The following ZNF383 variants were observed in gnomAD, a reference collection of about 807,000 sequenced individuals.
ZNF383 encodes zinc finger protein 383.
Under a neutral mutation model 44.2 loss-of-function variants are expected in ZNF383, and 32 were observed. The observed-to-expected ratio is 0.72, with a 90% CI of 0.55 to 0.97. ZNF383 has a LOEUF of 0.97. Ranked by LOEUF, ZNF383 falls within the 50% of genes least tolerant of loss-of-function variation. The probability of loss-of-function intolerance (pLI) is 0.00; values close to 1 mark genes in which losing one functional copy is unlikely to be tolerated. For missense variants in ZNF383, 487 were observed against 562.5 expected (o/e 0.87, Z 1.36); for synonymous variants, 155 against 186.2 (o/e 0.83, Z 1.36).
intron 5 of ZNF383, among the ~76,000 whole-genome samples, chr19:37,241,164 C>G (rs1974065952): frequency 6.6e-6 from 1 of 152,120 alleles, no homozygotes; most frequent in Non-Finnish European, 1.5e-5. Context: ...CTGTTTCCAC[C>G]CCAACTGGGT....
intron 2 of ZNF383, 98 bp from the exon 3 acceptor site, chr19:37,230,311 C>A: frequency 1.3e-6 from 1 of 762,366 alleles, no homozygotes; most frequent in Admixed American, 2.4e-5. Flanking sequence ...TATCTCAAGA[C>A]CAAGAAATAT....
rs373350635 is a variant in ZNF383 at position 37,235,971 on chromosome 19, G to A, written c.137-8G>A. On this transcript the variant is annotated splice_region_variant and splice_polypyrimidine_tract_variant and intron_variant, in intron 4 of 5. Coordinates refer to ENST00000684119, the MANE Select transcript of ZNF383 (RefSeq NM_001387601.1). ...ATAACCATGTTCCATATCTTTTCTC[G>A]TGAGCAGGACTTTACACTCCTAAGC... 69 of 1,605,666 alleles carry A rather than the reference G, an allele frequency of 4.3e-5. 1 individual carries two copies. The South Asian group carries it at 5.0e-4, about 12-fold the overall frequency.
rs1300224369 is a variant in ZNF383, at chr19:37,243,198, A to G, written c.962A>G (p.Gln321Arg). Residue 321 changes from glutamine (Q) to arginine (R), a missense_variant, in exon 6 of 6, where the codon CAG becomes CGG. Physicochemically the swap from Gln to Arg is conservative, Grantham distance 43. Coordinates refer to ENST00000684119, the MANE Select transcript of ZNF383 (RefSeq NM_001387601.1). ...ECKECGKAFT[Q>R]SSKLVQHQRI... is the part of the protein sequence containing the mutation. ...AAGGAATGTGGCAAAGCCTTTACCC[A>G]GAGCTCAAAGCTTGTTCAACATCAG... is the stretch of plus-strand genomic sequence containing the variant. The G allele has an allele frequency of 3.1e-6, 5 of 1,614,164 alleles. No homozygotes were observed. The highest frequency in any genetic ancestry group is 4.2e-6 in the Non-Finnish European group (5 of 1,180,022).
intron 5 of ZNF383, among the ~76,000 whole-genome samples, chr19:37,241,792 C>G (rs1974094409): frequency 6.6e-6 from 1 of 151,894 alleles, no homozygotes; most frequent in African/African-American, 2.4e-5. Context: ...TATTATACCT[C>G]AGAGCCAAAG....
chr19:37,222,739 C>G (rs1972984488), intron 1 of ZNF383, among the ~76,000 whole-genome samples: 1 of 152,128 alleles, frequency 6.6e-6, no homozygotes, highest in Non-Finnish European at 1.5e-5. Flanking sequence ...CATATTGAGG[C>G]TGTTATGAAA....
At chr19:37,231,551 T>C (rs910195104) in intron 3 of ZNF383, among the ~76,000 whole-genome samples, 2 of 152,186 alleles carry the variant, frequency 1.3e-5, no homozygotes, top group Non-Finnish European at 2.9e-5. Flanking sequence ...CATATAACTT[T>C]ATATATCTTT....
At position 37,244,276 on chromosome 19, in the gene ZNF383, T is replaced by A. The variant is rs1974274934; in HGVS notation, c.*612T>A. Reference sequence around the variant, plus strand: ...TTTTCTATTTTTAGTAGAGACAGGGTTTCTCCATGTTGGTCAGGATAGTCT... The same window carrying A: ...TTTTCTATTTTTAGTAGAGACAGGGATTCTCCATGTTGGTCAGGATAGTCT... On this transcript the variant is annotated 3_prime_UTR_variant, in exon 6 of 6. Transcript: ENST00000684119. 6.6e-6 allele frequency: 1 copy of A among 151,938 alleles called. No homozygotes were observed. Among genetic ancestry groups the A allele is most frequent in the Admixed American group, 6.6e-5 (1 of 15,238 alleles). 9.4% of individuals were successfully genotyped at this position (151,938 alleles called of 1,614,324 possible). A position where few individuals can be genotyped will look rare whatever the true frequency, so the allele number is the denominator to read the frequency against.
intron 3 of ZNF383, among the ~76,000 whole-genome samples, chr19:37,234,841 G>T (rs535306889): frequency 6.6e-6 from 1 of 152,248 alleles, no homozygotes; most frequent in Admixed American, 6.5e-5. Flanking sequence ...ACAGTTTTTG[G>T]TTGCTTTCTT....
chr19:37,240,031 C>T (rs552759612), intron 5 of ZNF383, among the ~76,000 whole-genome samples: 2 of 151,976 alleles, frequency 1.3e-5, no homozygotes, highest in East Asian at 1.9e-4. Flanking sequence ...TGGTGGTGCA[C>T]GCCTGTAGTC....
chr19:37,220,454 G>C (rs1307538523), intron 1 of ZNF383, among the ~76,000 whole-genome samples: 2 of 152,038 alleles, frequency 1.3e-5, no homozygotes, highest in Non-Finnish European at 2.9e-5. Context: ...TGTAGAGATG[G>C]AGTTTCACTA....
rs996820663 is a variant in ZNF383, at chr19:37,243,734, C to G, written c.*70C>G. Reference sequence around the variant, plus strand: ...AATCATGTCTAATAGTTACCCTCTTCCGTAGTTTTTTTTAAAACTTTGTAT... The same window carrying G: ...AATCATGTCTAATAGTTACCCTCTTGCGTAGTTTTTTTTAAAACTTTGTAT... On this transcript the variant is annotated 3_prime_UTR_variant, in exon 6 of 6. Transcript: ENST00000684119. The G allele has an allele frequency of 1.1e-4, 113 of 1,074,520 alleles. No individual in the cohort carries two copies. The highest frequency in any genetic ancestry group is 1.3e-4 in the Non-Finnish European group (103 of 773,236). The allele number at this position is 1,074,520 out of a possible 1,614,324, so 66.6% of individuals were successfully genotyped here.
chr19:37,231,704 C>T (rs927969980), intron 3 of ZNF383, among the ~76,000 whole-genome samples: 2 of 152,084 alleles, frequency 1.3e-5, no homozygotes, highest in African/African-American at 4.8e-5. Context: ...TTGTGTTATA[C>T]CAGATCATGT....
intron 2 of ZNF383, chr19:37,227,515 C>T (rs1326159157): frequency 6.6e-6 from 1 of 152,116 alleles, no homozygotes; most frequent in African/African-American, 2.4e-5. Flanking sequence ...ACTTCCTAGG[C>T]GATACCAGCC....
At chr19:37,232,774 T>TTTCCAAA (rs1973561638) in intron 3 of ZNF383, among the ~76,000 whole-genome samples, 2 of 152,220 alleles carry the variant, frequency 1.3e-5, no homozygotes, top group African/African-American at 4.8e-5. Context: ...TTCCAAATAA[T>TTTCCAAA]GAGTTGGCTT....
intron 3 of ZNF383, among the ~76,000 whole-genome samples, chr19:37,235,307 A>G (rs1355324165): frequency 6.6e-6 from 1 of 151,862 alleles, no homozygotes; most frequent in Admixed American, 6.6e-5. Context: ...ATCACAATCT[A>G]GACTCTAGGG....
At position 37,248,523 on chromosome 19, in the gene ZNF383, T is replaced by C. The variant is rs1272318977; in HGVS notation, c.*4859T>C. ...TTGATTTAGATAAGATTGTATTTCTTAGTGTCTGAACTCAGGAACCAAATA... is the reference window on the plus strand; with the variant it reads ...TTGATTTAGATAAGATTGTATTTCTCAGTGTCTGAACTCAGGAACCAAATA... On this transcript the variant is annotated 3_prime_UTR_variant, in exon 6 of 6. Coordinates refer to ENST00000684119, the MANE Select transcript of ZNF383 (RefSeq NM_001387601.1). The C allele has an allele frequency of 5.3e-5, 8 of 152,218 alleles. No homozygotes were observed. Among genetic ancestry groups the C allele is most frequent in the Admixed American group, 4.6e-4 (7 of 15,272 alleles). The allele number at this position is 152,218 out of a possible 1,614,324, so 9.4% of individuals were successfully genotyped here.
At chr19:37,223,843 C>A (rs1973035438) in intron 1 of ZNF383, among the ~76,000 whole-genome samples, 1 of 151,896 alleles carries the variant, frequency 6.6e-6, no homozygotes, top group Non-Finnish European at 1.5e-5. Context: ...ACTAGCCTGG[C>A]CAAGATGGTG....
At chr19:37,229,207 T>C (rs528215326) in intron 2 of ZNF383, among the ~76,000 whole-genome samples, 1 of 145,970 alleles carries the variant, frequency 6.9e-6, no homozygotes, top group South Asian at 2.2e-4. Context: ...CAGGCTGGAG[T>C]GCAATGGCGT....
In ZNF383 at chr19:37,246,269, A is replaced by C. The variant is rs897545169; in HGVS notation, c.*2605A>C. ...CAGTGATATACTCATTATCATAAGT[A>C]TCTTCATTAGGATTTATGGAAAGGA... On this transcript the variant is annotated 3_prime_UTR_variant, in exon 6 of 6. Transcript: ENST00000684119. The C allele has an allele frequency of 1.5e-4, 23 of 152,214 alleles. No homozygotes were observed. Among genetic ancestry groups the C allele is most frequent in the African/African-American group, 5.3e-4 (22 of 41,464 alleles). The allele number at this position is 152,214 out of a possible 1,614,324, so 9.4% of individuals were successfully genotyped here. A position where few individuals can be genotyped will look rare whatever the true frequency, so the allele number is the denominator to read the frequency against.
Sources: gnomAD v4.1 joint callset for allele counts (sites outside exome capture counted in the v4.1 genomes callset) on GRCh38, gnomAD v4.1.1 for gene constraint, MANE v1.5 for transcripts, NCBI Gene and HGNC (gene_info 2026-07-23, HGNC 2026-07-21) for gene names.